The following PISD variants were observed in gnomAD, a reference collection of about 807,000 sequenced individuals.
The protein encoded by PISD is phosphatidylserine decarboxylase.
PISD carries 31 observed loss-of-function variants against 43.5 expected under a neutral mutation model. That is an observed-to-expected ratio of 0.71 (90% CI 0.54 to 0.96). The LOEUF (loss-of-function observed/expected upper bound fraction) is 0.96. PISD is among the 40% of genes least tolerant of loss of function. The pLI is 0.00. For synonymous variants in PISD, 259 were observed against 228.7 expected (o/e 1.13, Z -1.20); for missense variants, 523 against 548.4 (o/e 0.95, Z 0.46).
chr22:31,631,292 C>A (rs1336472630), intron 3 of PISD, among the ~76,000 whole-genome samples: 2 of 152,202 alleles, frequency 1.3e-5, no homozygotes, highest in East Asian at 3.9e-4. Flanking sequence ...CCAGCTTCTT[C>A]ACTGGACTGA....
chr22:31,642,306 T>C (rs1483447460), intron 3 of PISD, among the ~76,000 whole-genome samples: 1 of 150,050 alleles, frequency 6.7e-6, no homozygotes, highest in Non-Finnish European at 1.5e-5. Flanking sequence ...ATTAGCTGAG[T>C]GTGGTGGTGG....
intron 3 of PISD, among the ~76,000 whole-genome samples, chr22:31,622,167 G>A (rs78201558): frequency 2.0e-5 from 3 of 152,214 alleles, no homozygotes; most frequent in East Asian, 3.9e-4. Context: ...AACGGGAGAC[G>A]CCCAGCAGTC....
intron 1 of PISD, among the ~76,000 whole-genome samples, chr22:31,655,316 C>CTTTT (rs58895520): frequency 0.012 from 1,672 of 145,134 alleles, 31 homozygotes; most frequent in African/African-American, 0.039. Flanking sequence ...GTACAACCCC[C>CTTTT]TTTTTTTTTT....
chr22:31,651,988 A>C (rs562626663), intron 1 of PISD, among the ~76,000 whole-genome samples: 1 of 152,250 alleles, frequency 6.6e-6, no homozygotes, highest in East Asian at 1.9e-4. Context: ...ACTGTATCCG[A>C]GTCAATAAAC....
At chr22:31,662,228 C>G (rs781760875), upstream of PISD, 3 of 1,600,672 alleles carry the variant, frequency 1.9e-6, no homozygotes, top group African/African-American at 2.7e-5. Flanking sequence ...TCCTTCTCAG[C>G]GTGCCACGCC....
intron 3 of PISD, among the ~76,000 whole-genome samples, chr22:31,634,987 T>C (rs1454115212): frequency 2.6e-5 from 4 of 151,378 alleles, no homozygotes; most frequent in Non-Finnish European, 4.4e-5. Flanking sequence ...GCCAACATGG[T>C]GAAACCCTGT....
At chr22:31,620,002 C>G (rs1170096991) in intron 7 of PISD, among the ~76,000 whole-genome samples, 166 bp from the exon 8 acceptor site, 9 of 152,202 alleles carry the variant, frequency 5.9e-5, no homozygotes, top group African/African-American at 1.9e-4. Context: ...TGGGCCTGCT[C>G]TAGCCAGATC....
At chr22:31,647,866 G>T (rs183643404) in intron 3 of PISD, among the ~76,000 whole-genome samples, 5 of 152,186 alleles carry the variant, frequency 3.3e-5, no homozygotes, top group Admixed American at 1.3e-4. Context: ...GACTTCAACA[G>T]CAAGAAATTT....
chr22:31,647,287 G>C (rs2073912480), intron 3 of PISD, among the ~76,000 whole-genome samples: 2 of 152,144 alleles, frequency 1.3e-5, no homozygotes, highest in Non-Finnish European at 2.9e-5. Context: ...AGCTACTGCG[G>C]AGCATGGTTG....
chr22:31,638,912 A>G (rs1402331786), intron 3 of PISD, among the ~76,000 whole-genome samples: 1 of 144,120 alleles, frequency 6.9e-6, no homozygotes, highest in Non-Finnish European at 1.5e-5. Context: ...GGATCACCTG[A>G]GCCTGGGAGG....
In PISD at chr22:31,621,484, G is replaced by C; in HGVS notation, c.559-12C>G. 1 of 1,613,998 alleles carries C rather than the reference G, an allele frequency of 6.2e-7. No individual in the cohort carries two copies. The highest frequency in any genetic ancestry group is 8.5e-7 in the Non-Finnish European group (1 of 1,180,002). On this transcript the variant is annotated splice_polypyrimidine_tract_variant and intron_variant, in intron 4 of 7. Coordinates refer to ENST00000439502, the MANE Select transcript of PISD (RefSeq NM_001326411.2). ...TCCGATGGGCTAATCTGGAAGGGCA[G>C]GAGAGGCTTGCTGCCAGGGAGAGCA...
intron 1 of PISD, among the ~76,000 whole-genome samples, chr22:31,661,333 G>A (rs2074311680): frequency 6.6e-6 from 1 of 152,092 alleles, no homozygotes; most frequent in Admixed American, 6.6e-5. Flanking sequence ...CAAGTATGGC[G>A]CATCTCTCAA....
intron 2 of PISD, 50 bp downstream of exon 2, chr22:31,650,649 A>G: frequency 9.2e-7 from 1 of 1,090,658 alleles, no homozygotes; most frequent in South Asian, 1.4e-5. Flanking sequence ...TTTACAGATG[A>G]CCAAACTGAG....
chr22:31,658,734 T>C (rs570529410), intron 1 of PISD, among the ~76,000 whole-genome samples: 42 of 152,114 alleles, frequency 2.8e-4, no homozygotes, highest in Non-Finnish European at 5.6e-4. Flanking sequence ...GGTCTCACTA[T>C]GTTGCTCAGG....
chr22:31,657,681 C>A (rs373086774), intron 1 of PISD, among the ~76,000 whole-genome samples: 126 of 152,146 alleles, frequency 8.3e-4, no homozygotes, highest in Middle Eastern at 3.4e-3. Context: ...CACCACCACA[C>A]CCGGCTAATT....
At chr22:31,620,208 C>G (rs1274748503) in intron 7 of PISD, among the ~76,000 whole-genome samples, 1 of 140,204 alleles carries the variant, frequency 7.1e-6, no homozygotes, top group Non-Finnish European at 1.6e-5. Context: ...ACCCCTCATG[C>G]TGTAACCAAC....
In PISD at chr22:31,621,338, T is replaced by G; in HGVS notation, c.693A>C (p.Pro231=). 1.2e-6 allele frequency: 2 copies of G among 1,613,872 alleles called. No individual in the cohort carries two copies. The highest frequency in any genetic ancestry group is 1.7e-6 in the Non-Finnish European group (2 of 1,179,970). ...PRMCTEDLPF[P]PAASCDSFKN... ...CCCGCCTGTGCAGTGACCCACCTGGTGGGAAGGGCAGGTCCTCTGTGCACA... is the reference window on the plus strand; with the variant it reads ...CCCGCCTGTGCAGTGACCCACCTGGGGGGAAGGGCAGGTCCTCTGTGCACA... The change falls in exon 5 of 8, where the codon CCA becomes CCC. Residue 231 remains proline (P), a synonymous_variant. Coordinates refer to ENST00000439502, the MANE Select transcript of PISD (RefSeq NM_001326411.2).
At chr22:31,631,340 A>G (rs1406735318) in intron 3 of PISD, among the ~76,000 whole-genome samples, 3 of 152,214 alleles carry the variant, frequency 2.0e-5, no homozygotes, top group Non-Finnish European at 4.4e-5. Context: ...GAAGCTCCAG[A>G]GAATGCGAAA....
chr22:31,628,243 T>C (rs1374684269), intron 3 of PISD: 2 of 963,456 alleles, frequency 2.1e-6, no homozygotes, highest in African/African-American at 3.5e-5. Flanking sequence ...GCCTAGAGGT[T>C]GCTGCCTTCT....
Sources: gnomAD v4.1 joint callset for allele counts (sites outside exome capture counted in the v4.1 genomes callset) on GRCh38, gnomAD v4.1.1 for gene constraint, MANE v1.5 for transcripts, NCBI Gene and HGNC (gene_info 2026-07-23, HGNC 2026-07-21) for gene names.